ESRRG: variants seen among roughly 807,000 people sequenced by gnomAD.
ESRRG encodes the protein estrogen related receptor gamma, also known as estrogen-related receptor gamma.
A neutral mutation model predicts 44.0 loss-of-function variants in ESRRG; 13 were observed. That is an observed-to-expected ratio of 0.30 (90% CI 0.19 to 0.47). The LOEUF (loss-of-function observed/expected upper bound fraction) is 0.47. Among genes scored for constraint, ESRRG ranks in the 20% least tolerant of loss-of-function variants. ESRRG has a pLI of 1.00. For missense variants in ESRRG, 395 were observed against 580.6 expected, an observed-to-expected ratio of 0.68 and a Z score of 3.29; for synonymous variants, 215 against 214.6, an observed-to-expected ratio of 1.00 and a Z score of -0.02.
chr1:216,932,719 G>GTTT (rs397860904), intron 2 of ESRRG, among the ~76,000 whole-genome samples: 7 of 70,300 alleles, frequency 1.0e-4, no homozygotes, highest in Non-Finnish European at 8.0e-5. Flanking sequence ...CACCAAACTT[G>GTTT]TTTTTTTTTT....
Position 216,810,121 on chromosome 1 carries a change from C to A in ESRRG, c.-14+129461G>T, listed in dbSNP as rs538293920. On this transcript the variant is annotated intron_variant, in intron 2 of 7. Transcript: ENST00000359162. The stretch of plus-strand genomic sequence containing the variant: ...TAGAATCTTTTATGAGTGGTGGTGG[C>A]GAAAACAGAGAAGCAGCAGGGCCAA... Among the ~76,000 whole-genome samples the A allele has an allele frequency of 4.6e-5, 7 of 152,116 alleles. No homozygotes were observed. The South Asian group carries it at 8.3e-4, about 18-fold the overall frequency.
chr1:216,605,000 G>A (rs111311172), intron 3 of ESRRG, among the ~76,000 whole-genome samples: 2,069 of 152,286 alleles, frequency 0.014, 45 homozygotes, highest in African/African-American at 0.048. Flanking sequence ...AAGGAGGGAG[G>A]GGGAGATGCT....
In ESRRG at chr1:216,505,549, G is replaced by A. The variant is rs1195959076; in HGVS notation, c.*1390C>T. 1 of 152,390 alleles carries A rather than the reference G, an allele frequency of 6.6e-6. No homozygotes were observed. Among genetic ancestry groups the A allele is most frequent in the Non-Finnish European group, 1.5e-5 (1 of 68,020 alleles). 9.4% of individuals were successfully genotyped at this position (152,390 alleles called of 1,614,324 possible). A position where few individuals can be genotyped will look rare whatever the true frequency, so the allele number is the denominator to read the frequency against. On this transcript the variant is annotated 3_prime_UTR_variant, in exon 7 of 7. Coordinates refer to ENST00000408911, the MANE Select transcript of ESRRG (RefSeq NM_001438.4). Reference sequence around the variant, plus strand: ...GCAAGGTCTGTGACTTTGCAAACAGGCAGTATCACATTCCTAACCACCATG... The same window carrying A: ...GCAAGGTCTGTGACTTTGCAAACAGACAGTATCACATTCCTAACCACCATG...
chr1:216,948,426 G>A (rs1353323291), intron 1 of ESRRG, among the ~76,000 whole-genome samples: 11 of 143,376 alleles, frequency 7.7e-5, no homozygotes, highest in Non-Finnish European at 1.5e-4. Context: ...GCAGTGAGCC[G>A]AGATGGCACT....
intron 2 of ESRRG, among the ~76,000 whole-genome samples, chr1:216,850,798 T>C (rs2095830956): frequency 6.6e-6 from 1 of 152,062 alleles, no homozygotes; most frequent in Admixed American, 6.6e-5. Context: ...TTCATATTTT[T>C]CATTGAATCT....
At chr1:216,791,346 C>T (rs1354310728) in intron 2 of ESRRG, among the ~76,000 whole-genome samples, 1 of 152,050 alleles carries the variant, frequency 6.6e-6, no homozygotes, top group Admixed American at 6.6e-5. Flanking sequence ...CCTGCTCCCC[C>T]TTTGCCTTCT....
At chr1:216,702,776 C>A (rs1311745653) in intron 1 of ESRRG, among the ~76,000 whole-genome samples, 911 of 94,442 alleles carry the variant, frequency 9.6e-3, no homozygotes, top group Middle Eastern at 0.019. Context: ...GACTCTGCCT[C>A]AAAAAAAAAA....
chr1:217,123,546 A>G (rs1368500595), intron 1 of ESRRG, among the ~76,000 whole-genome samples: 1 of 152,212 alleles, frequency 6.6e-6, no homozygotes, highest in Non-Finnish European at 1.5e-5. Context: ...AATATGGTAC[A>G]TATACACCAT....
At chr1:216,818,325 C>T (rs889953131) in intron 2 of ESRRG, among the ~76,000 whole-genome samples, 18 of 152,204 alleles carry the variant, frequency 1.2e-4, no homozygotes, top group Admixed American at 1.1e-3. Flanking sequence ...ATTTTTGCTT[C>T]ACTCACCTTC....
chr1:216,665,725 G>T (rs10442689), intron 2 of ESRRG, among the ~76,000 whole-genome samples: 1 of 152,030 alleles, frequency 6.6e-6, no homozygotes, highest in African/African-American at 2.4e-5. Context: ...TTAAATGTCA[G>T]TTCTTTTAAA....
chr1:216,644,662 C>T (rs2067164959), intron 3 of ESRRG, among the ~76,000 whole-genome samples: 1 of 151,976 alleles, frequency 6.6e-6, no homozygotes, highest in South Asian at 2.1e-4. Flanking sequence ...GTCTCAAACT[C>T]CTGTACTCAA....
intron 6 of ESRRG, among the ~76,000 whole-genome samples, chr1:216,512,457 C>T (rs2042997909): frequency 6.6e-6 from 1 of 151,940 alleles, no homozygotes; most frequent in East Asian, 1.9e-4. Flanking sequence ...AAAATTCATC[C>T]ATAATTTTTT....
At chr1:217,058,281 T>C (rs2087571190) in intron 1 of ESRRG, among the ~76,000 whole-genome samples, 1 of 152,032 alleles carries the variant, frequency 6.6e-6, no homozygotes, top group South Asian at 2.1e-4. Flanking sequence ...CTTAATATGC[T>C]AGAAAAAAGA....
intron 1 of ESRRG, among the ~76,000 whole-genome samples, chr1:216,705,137 T>A (rs539676410): frequency 1.2e-4 from 18 of 152,284 alleles, no homozygotes; most frequent in African/African-American, 4.3e-4. Flanking sequence ...ATCAAGTAGG[T>A]ACCTGTCCAT....
intron 1 of ESRRG, among the ~76,000 whole-genome samples, chr1:216,943,318 C>A (rs975616738): frequency 6.6e-6 from 1 of 152,132 alleles, no homozygotes; most frequent in African/African-American, 2.4e-5. Context: ...TTACACCATC[C>A]CTACCATCAC....
At chr1:216,898,435 T>C (rs2058676203) in intron 2 of ESRRG, among the ~76,000 whole-genome samples, 1 of 152,004 alleles carries the variant, frequency 6.6e-6, no homozygotes, top group Non-Finnish European at 1.5e-5. Context: ...CTGGCCAACA[T>C]GGTGAAAACC....
chr1:216,608,938 T>C (rs2060270497), intron 3 of ESRRG, among the ~76,000 whole-genome samples: 1 of 152,224 alleles, frequency 6.6e-6, no homozygotes, highest in Non-Finnish European at 1.5e-5. Flanking sequence ...TACAAATAAA[T>C]GACATACATG....
At chr1:216,990,966 C>T (rs1461633439) in intron 1 of ESRRG, among the ~76,000 whole-genome samples, 1 of 152,112 alleles carries the variant, frequency 6.6e-6, no homozygotes, top group Non-Finnish European at 1.5e-5. Context: ...CATATACATC[C>T]ATGGCCTGTT....
intron 1 of ESRRG, among the ~76,000 whole-genome samples, chr1:216,678,280 A>G (rs4846631): frequency 0.76 from 116,170 of 152,184 alleles, 44,896 homozygotes; most frequent in Non-Finnish European, 0.82. Context: ...TGTGTTTCTT[A>G]TGTGTGATTT....
Sources: allele counts gnomAD v4.1 joint callset (sites outside exome capture counted in the v4.1 genomes callset), GRCh38; gene constraint gnomAD v4.1.1; transcripts MANE v1.5; gene names NCBI Gene and HGNC (gene_info 2026-07-23, HGNC 2026-07-21).